The following PHLDB2 variants were observed in gnomAD, a reference collection of about 807,000 sequenced individuals.
PHLDB2 encodes the protein pleckstrin homology like domain family B member 2, also known as pleckstrin homology-like domain family B member 2.
Under a neutral mutation model 123.6 loss-of-function variants are expected in PHLDB2, and 71 were observed. The observed-to-expected ratio is 0.57, with a 90% confidence interval of 0.47 to 0.70. The LOEUF (loss-of-function observed/expected upper bound fraction) is 0.70, where lower values mean the gene tolerates loss of function less well. Ranked by LOEUF, PHLDB2 falls within the 30% of genes least tolerant of loss-of-function variation. The pLI is 0.00. For synonymous variants in PHLDB2, 547 were observed against 541.6 expected, an observed-to-expected ratio of 1.01 and a Z score of -0.14; for missense variants, 1,446 against 1,519.5, an observed-to-expected ratio of 0.95 and a Z score of 0.80.
At position 111,926,622 on chromosome 3, in the gene PHLDB2, A is replaced by G. The variant is rs141844680; in HGVS notation, c.2002-5647A>G. ...TTTTTTCTATGCTAAACATTCATCA[A>G]TTGTGTAATTAAAATGTCAAAGCCA... On this transcript the variant is annotated intron_variant, in intron 5 of 17. Transcript: ENST00000431670. Among the ~76,000 whole-genome samples the G allele has an allele frequency of 2.3e-4, 35 of 151,398 alleles. 1 individual carries two copies. The East Asian group carries it at 6.4e-3, about 28-fold the overall frequency.
rs1233026926 is a variant in PHLDB2 at position 111,736,800 on chromosome 3, G to T, written c.-49+4097G>T. 3.3e-5 allele frequency among the ~76,000 whole-genome samples: 5 copies of T among 152,256 alleles called. No homozygotes were observed. In the East Asian group the frequency reaches 7.7e-4, roughly 23 times the overall value. ...AGTAATGAAAATAAATACATTAATT[G>T]TTACTTAATAAAATCTTCCTTAAAG... On this transcript the variant is annotated intron_variant, in intron 1 of 17. Transcript: ENST00000393923.
At chr3:111,827,806 A>C (rs1333647290) in intron 1 of PHLDB2, among the ~76,000 whole-genome samples, 1 of 152,006 alleles carries the variant, frequency 6.6e-6, no homozygotes, top group Admixed American at 6.6e-5. Flanking sequence ...AATATGCTAC[A>C]CTGTGAGCTT....
intron 1 of PHLDB2, among the ~76,000 whole-genome samples, chr3:111,862,941 A>G (rs767059526): frequency 2.6e-5 from 4 of 152,196 alleles, no homozygotes; most frequent in Non-Finnish European, 2.9e-5. Context: ...GGGCGGGCAG[A>G]CAAAGTTCTA....
At chr3:111,880,582 T>TA (rs2065885360) in intron 1 of PHLDB2, among the ~76,000 whole-genome samples, 4 of 152,302 alleles carry the variant, frequency 2.6e-5, no homozygotes, top group Non-Finnish European at 5.9e-5. Flanking sequence ...GTCCCGGTCA[T>TA]AACCATGACT....
At position 111,962,192 on chromosome 3, in the gene PHLDB2, T is replaced by G; in HGVS notation, c.2957T>G (p.Leu986Trp). Residue 986 changes from leucine (L) to tryptophan (W), a missense_variant, in exon 13 of 18, where the codon TTG (leucine) becomes TGG (tryptophan). Around this residue, in one of 3 missense-constraint regions of PHLDB2, gnomAD observed 594 missense variants for 646.0 expected, o/e 0.92. Coordinates refer to ENST00000431670, the MANE Select transcript of PHLDB2 (RefSeq NM_001134438.2). ...ACAGCATCTGAATCAAATGTCTACT[T>G]GAATAGTTTCCATTATCCAGATCAC... The part of the protein sequence containing the change: ...NRTASESNVY[L>W]NSFHYPDHSY... 1 of 1,583,672 alleles carries G rather than the reference T, an allele frequency of 6.3e-7. No homozygotes were observed. The highest frequency in any genetic ancestry group is 1.7e-4 in the Middle Eastern group (1 of 5,944).
rs1389306789 is a variant in PHLDB2 at position 111,884,585 on chromosome 3, C to G, written c.508C>G (p.Arg170Gly). 9 of 1,613,930 alleles carry G rather than the reference C, an allele frequency of 5.6e-6. No individual in the cohort carries two copies. Among genetic ancestry groups the G allele is most frequent in the Non-Finnish European group, 7.6e-6 (9 of 1,180,018 alleles). Reference protein sequence around the residue: ...NVYSLGGLEGRKASGSLLAMW... With the variant: ...NVYSLGGLEGGKASGSLLAMW... Reference sequence around the variant, plus strand: ...CTACTCTCTTGGAGGGCTGGAAGGTCGGAAGGCATCTGGCTCGCTCCTGGC... The same window carrying G: ...CTACTCTCTTGGAGGGCTGGAAGGTGGGAAGGCATCTGGCTCGCTCCTGGC... Residue 170 changes from arginine (R) to glycine (G), a missense_variant, in exon 2 of 18, where the codon CGG (arginine) becomes GGG (glycine). Around this residue, in one of 3 missense-constraint regions of PHLDB2, gnomAD observed 832 missense variants for 831.9 expected, o/e 1.00. Coordinates refer to ENST00000431670, the MANE Select transcript of PHLDB2 (RefSeq NM_001134438.2).
At chr3:111,734,888 C>T (rs1941634830) in intron 1 of PHLDB2, among the ~76,000 whole-genome samples, 1 of 152,132 alleles carries the variant, frequency 6.6e-6, no homozygotes, top group African/African-American at 2.4e-5. Flanking sequence ...CTTGGATGTG[C>T]CATGCCTGAG....
intron 1 of PHLDB2, among the ~76,000 whole-genome samples, chr3:111,781,717 C>T (rs1219910122): frequency 6.6e-6 from 1 of 152,148 alleles, no homozygotes; most frequent in Non-Finnish European, 1.5e-5. Context: ...CTTCCGCCTT[C>T]TGCTATGCAG....
chr3:111,884,152 T>A lies in PHLDB2; in HGVS notation c.75T>A (p.His25Gln), dbSNP rs900210839. ...NGSLEEDSVV[H>Q]SVENDSQNMM... ...GCTTAGAGGAAGACTCTGTGGTGCA[T>A]TCTGTTGAGAACGATTCCCAAAACA... The change falls in exon 2 of 18, where the codon CAT becomes CAA. Residue 25 changes from histidine (H) to glutamine (Q), a missense_variant. His to Gln is a conservative substitution (Grantham distance 24). This residue lies in a region of PHLDB2 where 832 missense variants were observed against 831.9 expected (regional missense o/e 1.00). Coordinates refer to ENST00000431670, the MANE Select transcript of PHLDB2 (RefSeq NM_001134438.2). The A allele has an allele frequency of 3.3e-5, 54 of 1,614,078 alleles. No homozygotes were observed. Among genetic ancestry groups the A allele is most frequent in the Non-Finnish European group, 4.4e-5 (52 of 1,180,018 alleles).
chr3:111,806,146 C>G (rs956077350), intron 1 of PHLDB2, among the ~76,000 whole-genome samples: 2 of 152,138 alleles, frequency 1.3e-5, no homozygotes, highest in Non-Finnish European at 2.9e-5. Flanking sequence ...GTGCAAGTCC[C>G]AGTACCATTT....
chr3:111,780,402 A>AGAAGAAGAAG lies in PHLDB2; in HGVS notation c.-49+47708_-49+47709insGGAAGAAGAA, dbSNP rs751320904. On this transcript the variant is annotated intron_variant, in intron 1 of 17. Coordinates refer to the PHLDB2 transcript ENST00000393923. ...AAGAAGAAGAAGAAGAAGAAGAAGA[A>AGAAGAAGAAG]GAAGAAGAAAAAGATTAGTTCGGCC... Among the ~76,000 whole-genome samples the AGAAGAAGAAG allele has an allele frequency of 4.1e-5, 6 of 145,812 alleles. 2 individuals are homozygous for AGAAGAAGAAG. The highest frequency in any genetic ancestry group is 2.0e-4 in the East Asian group (1 of 5,046).
chr3:111,822,128 G>A (rs916178660), intron 1 of PHLDB2, among the ~76,000 whole-genome samples: 3 of 151,926 alleles, frequency 2.0e-5, no homozygotes, highest in African/African-American at 7.3e-5. Flanking sequence ...AGCAGGCCAG[G>A]TTATATATAA....
chr3:111,898,182 T>TTGTG (rs58183787), intron 2 of PHLDB2, among the ~76,000 whole-genome samples: 76,492 of 142,472 alleles, frequency 0.54, 22,163 homozygotes, highest in Non-Finnish European at 0.67. Context: ...GTGTGTGTGT[T>TTGTG]TGTGTGTGTG....
At chr3:111,783,517 C>G (rs1196142553) in intron 1 of PHLDB2, among the ~76,000 whole-genome samples, 5 of 151,882 alleles carry the variant, frequency 3.3e-5, no homozygotes, top group Non-Finnish European at 1.5e-5. Context: ...CAAGACAAAA[C>G]AAAAACTCAT....
chr3:111,962,798 G>A (rs1472409825), intron 13 of PHLDB2, among the ~76,000 whole-genome samples: 6 of 151,940 alleles, frequency 3.9e-5, no homozygotes, highest in Admixed American at 1.3e-4. Context: ...GCATGGTGGC[G>A]CATGCCTGTA....
chr3:111,965,257 G>C (rs1025495019), intron 13 of PHLDB2, among the ~76,000 whole-genome samples: 1 of 152,186 alleles, frequency 6.6e-6, no homozygotes, highest in Non-Finnish European at 1.5e-5. Context: ...AAAACACCTG[G>C]CTAAAAAGTG....
At chr3:111,898,633 C>T (rs1451105931) in intron 2 of PHLDB2, among the ~76,000 whole-genome samples, 1 of 152,228 alleles carries the variant, frequency 6.6e-6, no homozygotes, top group Non-Finnish European at 1.5e-5. Flanking sequence ...TCCTCTCAGT[C>T]CCTGCCACTG....
chr3:111,919,273 T>C (rs2068356298), intron 4 of PHLDB2, 58 bp downstream of exon 4: 5 of 1,579,008 alleles, frequency 3.2e-6, no homozygotes, highest in Non-Finnish European at 4.3e-6. Context: ...AAAATATTGC[T>C]ACTTATTCAG....
At chr3:111,793,613 G>C (rs1025626886) in intron 1 of PHLDB2, among the ~76,000 whole-genome samples, 1 of 151,952 alleles carries the variant, frequency 6.6e-6, no homozygotes, top group Non-Finnish European at 1.5e-5. Flanking sequence ...AGCTGGGAAT[G>C]TGCTGGGTCT....
Sources: gnomAD v4.1 joint callset for allele counts (sites outside exome capture counted in the v4.1 genomes callset) on GRCh38, gnomAD v4.1.1 for gene constraint, gnomAD v4.1.1 regional missense constraint, MANE v1.5 for transcripts, NCBI Gene and HGNC (gene_info 2026-07-23, HGNC 2026-07-21) for gene names.